CHODL: variants seen among roughly 807,000 people sequenced by gnomAD.
CHODL encodes chondrolectin.
A neutral mutation model predicts 34.5 loss-of-function variants in CHODL; 29 were observed. The ratio of observed to expected loss-of-function variants is 0.84; its 90% CI spans 0.63 to 1.15. The LOEUF (loss-of-function observed/expected upper bound fraction) is 1.15. Among genes scored for constraint, CHODL ranks in the 50% most tolerant of loss-of-function variants. The pLI, the probability that CHODL is intolerant of heterozygous loss-of-function variation, is 0.00. For synonymous variants in CHODL, 125 were observed against 116.1 expected (o/e 1.08, Z -0.49); for missense variants, 332 against 332.5 (o/e 1.00, Z 0.01).
chr21:18,089,025 G>A (rs1408625411), intron 2 of CHODL, among the ~76,000 whole-genome samples: 1 of 152,130 alleles, frequency 6.6e-6, no homozygotes, highest in African/African-American at 2.4e-5. Flanking sequence ...CTCCTGATGG[G>A]TACTCTCTTT....
chr21:17,920,990 C>T (rs2063179523), intron 1 of CHODL, among the ~76,000 whole-genome samples: 1 of 152,096 alleles, frequency 6.6e-6, no homozygotes, highest in Non-Finnish European at 1.5e-5. Flanking sequence ...AGCTCCCTTG[C>T]AGTTAGGGGC....
chr21:17,999,272 A>G (rs2063882177), intron 1 of CHODL, among the ~76,000 whole-genome samples: 1 of 152,200 alleles, frequency 6.6e-6, no homozygotes, highest in South Asian at 2.1e-4. Flanking sequence ...TATTGTTCAT[A>G]TCACTTTCCG....
At chr21:18,103,198 G>T (rs1355672502) in intron 2 of CHODL, among the ~76,000 whole-genome samples, 1 of 152,058 alleles carries the variant, frequency 6.6e-6, no homozygotes, top group Non-Finnish European at 1.5e-5. Context: ...AAAGAAATGA[G>T]AAAATGTGAA....
At chr21:18,188,108 C>A (rs913906840) in intron 2 of CHODL, among the ~76,000 whole-genome samples, 6 of 150,996 alleles carry the variant, frequency 4.0e-5, no homozygotes, top group Non-Finnish European at 5.9e-5. Flanking sequence ...TAAAATTGAT[C>A]ATTTTTTTTT....
intron 2 of CHODL, among the ~76,000 whole-genome samples, chr21:18,061,767 G>T (rs1331557308): frequency 2.0e-5 from 3 of 152,158 alleles, no homozygotes; most frequent in African/African-American, 7.2e-5. Context: ...CAAAGATATT[G>T]CCATCTGAGA....
chr21:18,217,921 A>G (rs1187459943), intron 2 of CHODL, among the ~76,000 whole-genome samples: 2 of 152,102 alleles, frequency 1.3e-5, no homozygotes, highest in Non-Finnish European at 2.9e-5. Flanking sequence ...ATCTCCTTTG[A>G]CTCCATGTCC....
At chr21:18,049,004 T>C (rs879491533) in intron 2 of CHODL, among the ~76,000 whole-genome samples, 4 of 151,976 alleles carry the variant, frequency 2.6e-5, no homozygotes, top group Non-Finnish European at 5.9e-5. Flanking sequence ...TTAATCATTT[T>C]AAATTTGTAA....
At chr21:18,178,229 G>A (rs1434760121) in intron 2 of CHODL, among the ~76,000 whole-genome samples, 1 of 152,154 alleles carries the variant, frequency 6.6e-6, no homozygotes. Flanking sequence ...TGTTTGAAAA[G>A]TCCGTATTCT....
intron 2 of CHODL, among the ~76,000 whole-genome samples, chr21:18,232,135 A>C (rs191659114): frequency 5.3e-5 from 8 of 152,194 alleles, no homozygotes; most frequent in Admixed American, 1.3e-4. Context: ...GTTTACCATT[A>C]GTTCTATTAT....
chr21:17,960,529 T>G (rs1036408385), intron 1 of CHODL, among the ~76,000 whole-genome samples: 5 of 152,178 alleles, frequency 3.3e-5, no homozygotes, highest in African/African-American at 9.7e-5. Context: ...TTGATACCAT[T>G]GAGTGCTCCT....
chr21:18,200,722 T>C (rs911786691), intron 2 of CHODL, among the ~76,000 whole-genome samples: 3 of 152,196 alleles, frequency 2.0e-5, no homozygotes, highest in Non-Finnish European at 4.4e-5. Flanking sequence ...AAACTATGAA[T>C]GTGATCTTCG....
chr21:18,152,407 T>C (rs1397674411), intron 2 of CHODL, among the ~76,000 whole-genome samples: 1 of 152,252 alleles, frequency 6.6e-6, no homozygotes, highest in African/African-American at 2.4e-5. Flanking sequence ...ACTGCTTAGC[T>C]GGGTCCTCAG....
chr21:18,113,926 G>A (rs571616165), intron 2 of CHODL, among the ~76,000 whole-genome samples: 2 of 152,274 alleles, frequency 1.3e-5, no homozygotes, highest in Admixed American at 6.5e-5. Context: ...TAAACAAAAT[G>A]TGGTCCATAT....
intron 1 of CHODL, among the ~76,000 whole-genome samples, chr21:17,972,024 C>T (rs1483248792): frequency 5.9e-5 from 9 of 152,142 alleles, no homozygotes; most frequent in Non-Finnish European, 1.2e-4. Flanking sequence ...AATCAAGAAA[C>T]GTAATCCATC....
chr21:17,949,037 C>G (rs912535900), intron 1 of CHODL, among the ~76,000 whole-genome samples: 1 of 152,122 alleles, frequency 6.6e-6, no homozygotes, highest in African/African-American at 2.4e-5. Context: ...AACTATGCAA[C>G]ACTTTGATTA....
At chr21:18,232,942 G>GAT (rs371388519) in intron 2 of CHODL, among the ~76,000 whole-genome samples, 11,014 of 119,090 alleles carry the variant, frequency 0.092, 576 homozygotes, top group Non-Finnish European at 0.11. Flanking sequence ...ATGATGTTAT[G>GAT]ATATATATAT....
chr21:18,075,972 C>T (rs1412582507), intron 2 of CHODL, among the ~76,000 whole-genome samples: 1 of 152,126 alleles, frequency 6.6e-6, no homozygotes, highest in Non-Finnish European at 1.5e-5. Context: ...GGACGTGAGC[C>T]CTTCCCAGAC....
chr21:18,190,780 G>C lies in CHODL; in HGVS notation c.-44-65729G>C, dbSNP rs564913535. Among the ~76,000 whole-genome samples the C allele has an allele frequency of 9.2e-5, 14 of 152,262 alleles. 1 individual carries two copies. In the South Asian group the frequency reaches 2.9e-3, roughly 32 times the overall value. On this transcript the variant is annotated intron_variant, in intron 2 of 6. Coordinates refer to the CHODL transcript ENST00000400127. Reference sequence around the variant, plus strand: ...AAAACAATAAGAAGTTTTCTATTTAGGTTGTTGTGTCAACAGATTTCACCA... The same window carrying C: ...AAAACAATAAGAAGTTTTCTATTTACGTTGTTGTGTCAACAGATTTCACCA...
At chr21:18,091,234 G>A (rs1383494983) in intron 2 of CHODL, among the ~76,000 whole-genome samples, 2 of 152,238 alleles carry the variant, frequency 1.3e-5, no homozygotes, top group Non-Finnish European at 2.9e-5. Flanking sequence ...ACCATGAGCT[G>A]AAGTGCTCTG....
Sources: allele counts gnomAD v4.1 joint callset (sites outside exome capture counted in the v4.1 genomes callset), GRCh38; gene constraint gnomAD v4.1.1; transcripts MANE v1.5; gene names NCBI Gene and HGNC (gene_info 2026-07-23, HGNC 2026-07-21).